CDH13: variants seen among roughly 807,000 people sequenced by gnomAD.
CDH13 encodes the protein cadherin 13.
CDH13 carries 24 observed loss-of-function variants against 63.8 expected under a neutral mutation model. The ratio of observed to expected loss-of-function variants is 0.38; its 90% confidence interval spans 0.27 to 0.53. The LOEUF is 0.53. Ranked by LOEUF, CDH13 falls within the 20% of genes least tolerant of loss-of-function variation. The pLI is 0.85. For synonymous variants in CDH13, 503 were observed against 355.3 expected, an observed-to-expected ratio of 1.42 and a Z score of -4.67; for missense variants, 1,049 against 903.1, an observed-to-expected ratio of 1.16 and a Z score of -2.07.
At chr16:83,563,526 G>A (rs1374238585) in intron 7 of CDH13, among the ~76,000 whole-genome samples, 1 of 152,222 alleles carries the variant, frequency 6.6e-6, no homozygotes, top group East Asian at 1.9e-4. Context: ...TTAATCTGAA[G>A]TCTTTTGGGA....
chr16:83,385,545 C>G (rs2091656526), intron 6 of CDH13, among the ~76,000 whole-genome samples: 1 of 152,138 alleles, frequency 6.6e-6, no homozygotes, highest in Non-Finnish European at 1.5e-5. Context: ...AACAAAATGT[C>G]TAATGCAAAT....
At chr16:83,204,489 C>G (rs2039124434) in intron 4 of CDH13, among the ~76,000 whole-genome samples, 2 of 152,150 alleles carry the variant, frequency 1.3e-5, no homozygotes, top group Admixed American at 1.3e-4. Flanking sequence ...CTAAGCATTT[C>G]CTATGTCTCA....
intron 8 of CDH13, among the ~76,000 whole-genome samples, chr16:83,662,016 C>T (rs1913485584): frequency 6.6e-6 from 1 of 152,112 alleles, no homozygotes; most frequent in Non-Finnish European, 1.5e-5. Context: ...TCCTTTCAAC[C>T]CAGGATCACC....
At chr16:82,646,725 A>G (rs1448452602) in intron 1 of CDH13, among the ~76,000 whole-genome samples, 1 of 152,168 alleles carries the variant, frequency 6.6e-6, no homozygotes, top group African/African-American at 2.4e-5. Flanking sequence ...AGTCAGAGGA[A>G]GAGTTAGGTA....
intron 2 of CDH13, among the ~76,000 whole-genome samples, chr16:82,996,731 A>G (rs72792154): frequency 0.13 from 19,223 of 152,038 alleles, 1,587 homozygotes; most frequent in African/African-American, 0.23. Context: ...TGATGATGGT[A>G]GTGATGATGA....
At chr16:83,169,243 C>A (rs1280212858) in intron 4 of CDH13, among the ~76,000 whole-genome samples, 1 of 151,254 alleles carries the variant, frequency 6.6e-6, no homozygotes, top group African/African-American at 2.4e-5. Flanking sequence ...GTGGCGGGAT[C>A]TTGGCTCACT....
intron 1 of CDH13, among the ~76,000 whole-genome samples, chr16:82,668,198 C>G (rs1045612841): frequency 6.6e-6 from 1 of 152,132 alleles, no homozygotes; most frequent in African/African-American, 2.4e-5. Context: ...AACTACACCA[C>G]CAAACCCTGG....
intron 5 of CDH13, among the ~76,000 whole-genome samples, chr16:83,271,089 T>G (rs1489338658): frequency 6.6e-6 from 1 of 151,826 alleles, no homozygotes; most frequent in African/African-American, 2.4e-5. Flanking sequence ...TCCTGCCCAC[T>G]CAGCATATAA....
intron 4 of CDH13, among the ~76,000 whole-genome samples, chr16:83,127,596 G>T (rs534449190): frequency 1.3e-5 from 2 of 152,066 alleles, no homozygotes; most frequent in African/African-American, 4.8e-5. Context: ...CAGTGTCATG[G>T]CACGCCTGTA....
chr16:82,848,862 T>G (rs767755564), intron 1 of CDH13, among the ~76,000 whole-genome samples: 6 of 152,166 alleles, frequency 3.9e-5, no homozygotes, highest in Non-Finnish European at 5.9e-5. Flanking sequence ...GGAAGGCATG[T>G]CAAAAGCTGA....
intron 5 of CDH13, among the ~76,000 whole-genome samples, chr16:83,291,690 T>G (rs1362029433): frequency 2.0e-5 from 3 of 152,096 alleles, no homozygotes; most frequent in African/African-American, 7.2e-5. Context: ...TGCTAATAAC[T>G]CAAAACCGGT....
chr16:82,657,194 C>G (rs898093269), intron 1 of CDH13, among the ~76,000 whole-genome samples: 1 of 151,934 alleles, frequency 6.6e-6, no homozygotes, highest in Admixed American at 6.6e-5. Context: ...CTGTACATAC[C>G]TGTGATAAAG....
intron 1 of CDH13, among the ~76,000 whole-genome samples, chr16:82,821,857 G>A (rs951865716): frequency 1.3e-5 from 2 of 152,188 alleles, no homozygotes; most frequent in African/African-American, 4.8e-5. Context: ...GGAAGAACAA[G>A]GGCTTGAAGG....
intron 3 of CDH13, among the ~76,000 whole-genome samples, chr16:83,041,889 A>G (rs1917359528): frequency 1.3e-5 from 2 of 152,336 alleles, no homozygotes; most frequent in South Asian, 4.1e-4. Context: ...TGCCTTGCTA[A>G]TGGATGATTC....
chr16:83,308,723 C>G (rs777731599), intron 5 of CDH13, among the ~76,000 whole-genome samples: 7 of 152,210 alleles, frequency 4.6e-5, no homozygotes, highest in Non-Finnish European at 1.0e-4. Flanking sequence ...GCTCCCCTCA[C>G]CGCCGTCTCC....
chr16:83,770,754 G>A (rs974339018), intron 11 of CDH13, among the ~76,000 whole-genome samples: 1 of 152,120 alleles, frequency 6.6e-6, no homozygotes, highest in African/African-American at 2.4e-5. Flanking sequence ...CAGTAGTGAG[G>A]ACCACGAGAG....
intron 1 of CDH13, among the ~76,000 whole-genome samples, chr16:82,763,016 A>T (rs2034911752): frequency 1.3e-5 from 2 of 152,170 alleles, no homozygotes; most frequent in South Asian, 4.1e-4. Flanking sequence ...CTGTGTGAAA[A>T]AATAACCAGC....
chr16:82,780,022 G>C (rs923250965), intron 1 of CDH13, among the ~76,000 whole-genome samples: 1 of 152,082 alleles, frequency 6.6e-6, no homozygotes, highest in Admixed American at 6.6e-5. Context: ...AATCCATTTT[G>C]CCCATGATTT....
chr16:83,748,365 T>C (rs1179978613), intron 11 of CDH13, 115 bp downstream of exon 11: 4 of 902,854 alleles, frequency 4.4e-6, no homozygotes, highest in East Asian at 2.4e-5. Flanking sequence ...TGTAAGTGTG[T>C]GGGAACAGCA....
Sources: gnomAD v4.1 joint callset for allele counts (sites outside exome capture counted in the v4.1 genomes callset) on GRCh38, gnomAD v4.1.1 for gene constraint, MANE v1.5 for transcripts, NCBI Gene and HGNC (gene_info 2026-07-23, HGNC 2026-07-21) for gene names.